KLC1: variants seen among roughly 807,000 people sequenced by gnomAD.
KLC1 encodes the protein kinesin 2 60/70kDa.
Under a neutral mutation model 84.2 loss-of-function variants are expected in KLC1, and 30 were observed. The observed-to-expected ratio is 0.36, with a 90% CI of 0.27 to 0.48. KLC1 has a LOEUF of 0.48. Among genes scored for constraint, KLC1 ranks in the 20% least tolerant of loss-of-function variants. The pLI is 0.99. For missense variants in KLC1, 499 were observed against 805.4 expected (o/e 0.62, Z 4.60); for synonymous variants, 289 against 293.3 (o/e 0.99, Z 0.15).
At chr14:103,664,485 A>G (rs1228798858) in intron 5 of KLC1, among the ~76,000 whole-genome samples, 2 of 151,268 alleles carry the variant, frequency 1.3e-5, no homozygotes, top group African/African-American at 4.9e-5. Flanking sequence ...GGAATTTCTT[A>G]GTCAGAGATA....
At position 103,693,805 on chromosome 14, in the gene KLC1, C is replaced by T. The variant is rs147672245; in HGVS notation, c.1848+1380C>T. 11,863 of 1,397,484 alleles carry T rather than the reference C, an allele frequency of 8.5e-3. 44 individuals are homozygous for T. Among genetic ancestry groups the T allele is most frequent in the Admixed American group, 0.011 (353 of 31,594 alleles). 86.6% of individuals were successfully genotyped at this position (1,397,484 alleles called of 1,614,324 possible). On this transcript the variant is annotated intron_variant, in intron 15 of 16. Transcript: ENST00000334553. The surrounding 1 kb of genome is among the most constrained non-coding windows in gnomAD (Gnocchi z 5.1). ...GGCCGTGCCTCAGCATTCTGTTACTCGGCCTGCAGCCCCAGTGCCAGGAGC... is the reference window on the plus strand; with the variant it reads ...GGCCGTGCCTCAGCATTCTGTTACTTGGCCTGCAGCCCCAGTGCCAGGAGC...
At chr14:103,661,281 G>T (rs552732713) in intron 3 of KLC1, among the ~76,000 whole-genome samples, 2 of 152,284 alleles carry the variant, frequency 1.3e-5, no homozygotes, top group East Asian at 3.9e-4. Context: ...CCAGGGTCCA[G>T]TTCAGGGGTA....
rs768250263 is a variant in KLC1, at chr14:103,698,766, TCAGG to T, written c.1849-1884_1849-1881del. On this transcript the variant is annotated intron_variant, in intron 15 of 16. Transcript: ENST00000334553. ...CCCGAGCCCCGTGTGTCGGGGCTTC[TCAGG>T]CAGGGCTGTTGTGCAGCCGCCACCG... The T allele has an allele frequency of 7.7e-6, 12 of 1,561,260 alleles. No homozygotes were observed. In the East Asian group the frequency reaches 2.1e-4, roughly 28 times the overall value.
At chr14:103,686,292 A>G in intron 13 of KLC1, 11 of 889,278 alleles carry the variant, frequency 1.2e-5, no homozygotes, top group Non-Finnish European at 1.5e-5. Flanking sequence ...GCCGCATGGC[A>G]CAGCTGCTAG....
Position 103,634,907 on chromosome 14 carries a change from C to G in KLC1, c.-2+5413C>G, listed in dbSNP as rs192011955. On this transcript the variant is annotated intron_variant, in intron 1 of 16. Coordinates refer to ENST00000334553, the MANE Select transcript of KLC1 (RefSeq NM_001394837.1). ...GTTGCCTGTTTCCTGAGAATATTAC[C>G]TCTTAAGGATGGAGGCTATTTCGAG... Among the ~76,000 whole-genome samples the G allele has an allele frequency of 9.3e-4, 142 of 152,238 alleles. 1 individual carries two copies. The highest frequency in any genetic ancestry group is 3.4e-3 in the Middle Eastern group (1 of 294).
In KLC1 at chr14:103,670,168, CTCTG is replaced by C. The variant is rs766517298; in HGVS notation, c.886-12_886-9del. ...ATCTTTTACCATTCTTAGTGGTTCTCTCTGTGTTGACAGGTGGCGGCGACTTTGA... is the reference window on the plus strand; with the variant it reads ...ATCTTTTACCATTCTTAGTGGTTCTCTGTTGACAGGTGGCGGCGACTTTGA... On this transcript the variant is annotated splice_polypyrimidine_tract_variant and intron_variant, in intron 6 of 16. Coordinates refer to ENST00000334553, the MANE Select transcript of KLC1 (RefSeq NM_001394837.1). 3.1e-6 allele frequency: 5 copies of C among 1,595,148 alleles called. No homozygotes were observed. In the Middle Eastern group the frequency reaches 5.0e-4, roughly 159 times the overall value.
At chr14:103,681,746 C>T (rs1050452135) in intron 13 of KLC1, among the ~76,000 whole-genome samples, 1 of 152,100 alleles carries the variant, frequency 6.6e-6, no homozygotes, top group South Asian at 2.1e-4. Context: ...CATAAACCAC[C>T]GACTTTTCTT....
chr14:103,673,356 A>G lies in KLC1; in HGVS notation c.1186A>G (p.Lys396Glu). The G allele has an allele frequency of 1.9e-6, 3 of 1,603,092 alleles. No homozygotes were observed. Among genetic ancestry groups the G allele is most frequent in the African/African-American group, 1.3e-5 (1 of 74,374 alleles). Residue 396 changes from lysine (K) to glutamate (E), a missense_variant, in exon 9 of 17, where the codon AAG becomes GAG. Physicochemically the swap from Lys to Glu is moderately conservative, Grantham distance 56. Around this residue, in one of 3 missense-constraint regions of KLC1, gnomAD observed 153 missense variants for 332.4 expected, o/e 0.46. Coordinates refer to ENST00000334553, the MANE Select transcript of KLC1 (RefSeq NM_001394837.1). The part of the protein sequence containing the change: ...NLASCYLKQG[K>E]FKQAETLYKE... ...GGCATCCTGCTATTTGAAACAAGGA[A>G]AGTTCAAGCAAGCAGAAACACTGTA...
intron 5 of KLC1, among the ~76,000 whole-genome samples, chr14:103,664,819 C>CTTTTT (rs34967823): frequency 3.9e-5 from 4 of 101,972 alleles, no homozygotes; most frequent in South Asian, 3.2e-4. Context: ...TTGGCCAAGG[C>CTTTTT]TTTTTTTTTT....
chr14:103,675,455 C>T (rs751064651), intron 9 of KLC1, 97 bp from the exon 10 acceptor site: 45 of 998,184 alleles, frequency 4.5e-5, no homozygotes, highest in Middle Eastern at 3.2e-4. Flanking sequence ...TTTCGAGTGC[C>T]GACTTGACAC....
chr14:103,675,837 G>T, intron 11 of KLC1, 81 bp downstream of exon 11: 3 of 1,150,348 alleles, frequency 2.6e-6, no homozygotes, highest in South Asian at 2.5e-5. Context: ...GCTTATAAAT[G>T]ACCAATGTGT....
rs927516403 is a variant in KLC1, at chr14:103,693,271, C to T, written c.1848+846C>T. On this transcript the variant is annotated intron_variant, in intron 15 of 16. Coordinates refer to ENST00000334553, the MANE Select transcript of KLC1 (RefSeq NM_001394837.1). The surrounding 1 kb of genome is among the most constrained non-coding windows in gnomAD (Gnocchi z 5.1). The stretch of plus-strand genomic sequence containing the variant: ...GAAAGCTTTTCCCCAGCCCCCTTCT[C>T]GGTGGCTGTTAAAGAGGCTTGTAGG... Among the ~76,000 whole-genome samples the T allele has an allele frequency of 1.3e-5, 2 of 152,104 alleles. No individual in the cohort carries two copies. Among genetic ancestry groups the T allele is most frequent in the Non-Finnish European group, 2.9e-5 (2 of 68,012 alleles).
chr14:103,696,541 TTC>T, intron 15 of KLC1: 1 of 985,520 alleles, frequency 1.0e-6, no homozygotes, highest in South Asian at 4.7e-5. Context: ...TGTCATTAGC[TTC>T]TGTTTGCACT....
intron 1 of KLC1, among the ~76,000 whole-genome samples, chr14:103,634,148 C>T (rs1248946308): frequency 6.6e-6 from 1 of 152,176 alleles, no homozygotes; most frequent in African/African-American, 2.4e-5. Flanking sequence ...GGATTACAGG[C>T]CTGAGCCACC....
rs551044355 is a variant in KLC1, at chr14:103,633,717, C to G, written c.-2+4223C>G. Among the ~76,000 whole-genome samples the G allele has an allele frequency of 2.0e-4, 31 of 152,228 alleles. 1 individual carries two copies. Among genetic ancestry groups the G allele is most frequent in the African/African-American group, 7.5e-4 (31 of 41,542 alleles). On this transcript the variant is annotated intron_variant, in intron 1 of 16. Transcript: ENST00000334553. ...TTCATCTTCCTGCTCTGGCCCTACT[C>G]AAGCACTTCCAGGTGCATCTGGAGT...
chr14:103,684,600 G>A (rs1199227052), intron 13 of KLC1, among the ~76,000 whole-genome samples: 1 of 152,240 alleles, frequency 6.6e-6, no homozygotes, highest in African/African-American at 2.4e-5. Context: ...TCAGGGAGGA[G>A]GAGGCAGCTG....
At chr14:103,679,645 T>G in intron 13 of KLC1, 100 bp downstream of exon 13, 2 of 814,638 alleles carry the variant, frequency 2.5e-6, no homozygotes, top group Non-Finnish European at 4.0e-6. Context: ...TCTGCTTTTC[T>G]CAAATTAAGT....
intron 13 of KLC1, chr14:103,685,316 G>A: frequency 7.7e-7 from 1 of 1,304,050 alleles, no homozygotes; most frequent in Non-Finnish European, 9.8e-7. Context: ...CTTATATACA[G>A]TTACTTGTAA....
In KLC1 at chr14:103,679,544, G is replaced by C; in HGVS notation, c.1649G>C (p.Gly550Ala). ...GTGAGTATGAGCGTAGAGTGGAACG[G>C]GGTAAGTACAGTACACAGCGGGCAC... ...EEVSMSVEWN[G>A]DGTGSLKRSG... The change falls in exon 13 of 17, where the codon GGG (glycine) becomes GCG (alanine). Residue 550 changes from glycine to alanine, a missense_variant and splice_region_variant. Gly to Ala is a moderately conservative substitution (Grantham distance 60). Transcript: ENST00000334553. The C allele has an allele frequency of 2.5e-6, 4 of 1,613,188 alleles. No individual in the cohort carries two copies. The highest frequency in any genetic ancestry group is 3.4e-6 in the Non-Finnish European group (4 of 1,179,184).
Sources: allele counts gnomAD v4.1 joint callset (sites outside exome capture counted in the v4.1 genomes callset), GRCh38; gene constraint gnomAD v4.1.1; regional missense constraint gnomAD v4.1.1; non-coding constraint Gnocchi (gnomAD v3.1); transcripts MANE v1.5; gene names NCBI Gene and HGNC (gene_info 2026-07-23, HGNC 2026-07-21).